The following TMEM247 variants were observed in gnomAD, a reference collection of about 807,000 sequenced individuals.
The protein encoded by TMEM247 is transmembrane protein ENSP00000343375.
Under a neutral mutation model 20.7 loss-of-function variants are expected in TMEM247, and 23 were observed. The observed-to-expected ratio is 1.11, with a 90% confidence interval of 0.80 to 1.57. The LOEUF is 1.57. Among genes scored for constraint, TMEM247 ranks in the 40% most tolerant of loss-of-function variants. The probability of loss-of-function intolerance (pLI) is 0.00; values close to 1 mark genes in which losing one functional copy is unlikely to be tolerated. For missense variants in TMEM247, 354 were observed against 283.8 expected, an observed-to-expected ratio of 1.25 and a Z score of -1.78; for synonymous variants, 106 against 111.9, an observed-to-expected ratio of 0.95 and a Z score of 0.33.
chr2:46,482,065 TC>T (rs1686900174), intron 2 of TMEM247, among the ~76,000 whole-genome samples: 1 of 152,236 alleles, frequency 6.6e-6, no homozygotes, highest in Admixed American at 6.5e-5. Flanking sequence ...CAGTTTTGTT[TC>T]TGTTTTTTTA....
chr2:46,480,776 G>T lies in TMEM247; in HGVS notation c.477+12G>T. On this transcript the variant is annotated intron_variant, in intron 2 of 2. Coordinates refer to ENST00000434431, the Ensembl canonical transcript of TMEM247. The stretch of plus-strand genomic sequence containing the variant: ...CGGCGCCCCGCCTGGTGGGTGACAA[G>T]GAACGGGGCACTGGGAGGAGGGAGG... 1 of 1,537,508 alleles carries T rather than the reference G, an allele frequency of 6.5e-7. No individual in the cohort carries two copies. Among genetic ancestry groups the T allele is most frequent in the South Asian group, 1.2e-5 (1 of 81,960 alleles).
intron 2 of TMEM247, among the ~76,000 whole-genome samples, chr2:46,483,254 T>C (rs1219189177): frequency 6.6e-6 from 1 of 152,182 alleles, no homozygotes; most frequent in African/African-American, 2.4e-5. Context: ...AAATGAAGAC[T>C]GTTGGGCCCC....
intron 1 of TMEM247, 30 bp downstream of exon 1, chr2:46,479,732 C>CG (rs1686842299): frequency 6.9e-7 from 1 of 1,454,844 alleles, no homozygotes; most frequent in Admixed American, 2.0e-5. Context: ...TCACCACCCC[C>CG]GCCTATTCCG....
At chr2:46,483,287 A>T (rs1401840641) in intron 2 of TMEM247, among the ~76,000 whole-genome samples, 1 of 152,238 alleles carries the variant, frequency 6.6e-6, no homozygotes, top group Admixed American at 6.5e-5. Context: ...TCAAGAAAAG[A>T]GCAACCCACA....
At chr2:46,480,573 C>G in exon 2 of TMEM247, 1 of 1,551,748 alleles carries the variant, frequency 6.4e-7, no homozygotes, top group Non-Finnish European at 8.7e-7. Context: ...GCCCCCGACC[C>G]CTGGGACTGA....
At chr2:46,480,863 C>CCCCA (rs773201768) in intron 2 of TMEM247, 99 bp downstream of exon 2, 3 of 1,398,250 alleles carry the variant, frequency 2.1e-6, no homozygotes, top group Non-Finnish European at 2.8e-6. Flanking sequence ...TTGCGCGGCA[C>CCCCA]CCCACCCTGC....
chr2:46,480,537 G>A (rs1159591420), exon 2 of TMEM247: 1 of 1,551,758 alleles, frequency 6.4e-7, no homozygotes, highest in Admixed American at 2.0e-5. Context: ...AGGCCAGGCT[G>A]GCGACGGACC....
Position 46,480,498 on chromosome 2 carries a change from C to G in TMEM247, c.211C>G (p.Leu71Val). The G allele has an allele frequency of 1.9e-6, 3 of 1,551,734 alleles. No individual in the cohort carries two copies. In the South Asian group the frequency reaches 3.6e-5, roughly 18 times the overall value. ...AGGCTGCCAAGGGCCGCTTAAATCG[C>G]TGTCCCCCAAGTCCTGCCGTGCTAC... The change falls in exon 2 of 3, where the codon CTG becomes GTG. Residue 71 changes from leucine to valine, a missense_variant. By Grantham distance (32) the Leu-to-Val change is conservative. Coordinates refer to ENST00000434431, the Ensembl canonical transcript of TMEM247.
rs941461614 is a variant in TMEM247, at chr2:46,480,624, T to C, written c.337T>C (p.Phe113Leu). ...GGAGCTGGAGAAGGTGCGCATGGAGTTCGAGCTCACGCGGCTCAAGTACCT... is the reference window on the plus strand; with the variant it reads ...GGAGCTGGAGAAGGTGCGCATGGAGCTCGAGCTCACGCGGCTCAAGTACCT... Residue 113 changes from phenylalanine (F) to leucine (L), a missense_variant, in exon 2 of 3, where the codon TTC becomes CTC. Transcript: ENST00000434431. The C allele has an allele frequency of 3.7e-5, 52 of 1,397,840 alleles. No homozygotes were observed. Among genetic ancestry groups the C allele is most frequent in the Non-Finnish European group, 4.2e-5 (45 of 1,060,252 alleles). 86.6% of individuals were successfully genotyped at this position (1,397,840 alleles called of 1,614,324 possible).
intron 1 of TMEM247, among the ~76,000 whole-genome samples, chr2:46,479,973 T>A (rs1002459724): frequency 6.6e-6 from 1 of 152,140 alleles, no homozygotes; most frequent in Non-Finnish European, 1.5e-5. Flanking sequence ...CTCCCCACCA[T>A]AGCCCTCTTC....
intron 2 of TMEM247, among the ~76,000 whole-genome samples, chr2:46,481,074 A>G (rs898764669): frequency 2.0e-5 from 3 of 152,046 alleles, no homozygotes; most frequent in Non-Finnish European, 4.4e-5. Flanking sequence ...GGTCCCCAGA[A>G]CCACATCGCC....
intron 2 of TMEM247, 67 bp from the exon 3 acceptor site, chr2:46,484,177 A>G: frequency 1.4e-6 from 2 of 1,403,654 alleles, no homozygotes; most frequent in South Asian, 1.4e-5. Context: ...TCAGAGCAGG[A>G]CTGAACCTAG....
exon 2 of TMEM247, chr2:46,480,510 T>C (rs1686859122): frequency 6.4e-7 from 1 of 1,551,668 alleles, no homozygotes; most frequent in African/African-American, 1.4e-5. Context: ...GTCCCCCAAG[T>C]CCTGCCGTGC....
chr2:46,482,831 C>G (rs1365528754), intron 2 of TMEM247, among the ~76,000 whole-genome samples: 1 of 152,224 alleles, frequency 6.6e-6, no homozygotes, highest in South Asian at 2.1e-4. Flanking sequence ...ATCATCAGGT[C>G]ATTTTCTGTC....
At chr2:46,481,772 A>G (rs1444674762) in intron 2 of TMEM247, among the ~76,000 whole-genome samples, 1 of 152,248 alleles carries the variant, frequency 6.6e-6, no homozygotes, top group Non-Finnish European at 1.5e-5. Flanking sequence ...GATATGATGT[A>G]TTAGCTGTGC....
chr2:46,480,555 G>C, exon 2 of TMEM247: 2 of 1,551,722 alleles, frequency 1.3e-6, no homozygotes, highest in Non-Finnish European at 1.7e-6. Flanking sequence ...ACCCAAACCC[G>C]CAGAGCTGCC....
chr2:46,479,762 T>C (rs1318888588), intron 1 of TMEM247, 60 bp downstream of exon 1: 2 of 1,223,338 alleles, frequency 1.6e-6, no homozygotes, highest in East Asian at 2.5e-5. Context: ...GCAAGAATAC[T>C]GTAGGAACAC....
chr2:46,480,828 G>T lies in TMEM247; in HGVS notation c.477+64G>T, dbSNP rs1686873885. 10 of 1,477,384 alleles carry T rather than the reference G, an allele frequency of 6.8e-6. No homozygotes were observed. The South Asian group carries it at 1.4e-4, about 20-fold the overall frequency. 91.5% of individuals were successfully genotyped at this position (1,477,384 alleles called of 1,614,324 possible). On this transcript the variant is annotated intron_variant, in intron 2 of 2. Coordinates refer to ENST00000434431, the Ensembl canonical transcript of TMEM247. ...CTGGAGCTGAAGTCCCATGGGGCCT[G>T]GAGCAGGCGCCCACCTTCCCTGCTT...
chr2:46,482,101 A>G (rs1218346274), intron 2 of TMEM247, among the ~76,000 whole-genome samples: 2 of 152,192 alleles, frequency 1.3e-5, no homozygotes, highest in Admixed American at 6.5e-5. Context: ...GTTTTGCATC[A>G]TTTGTTCTCA....
Sources: gnomAD v4.1 joint callset for allele counts (sites outside exome capture counted in the v4.1 genomes callset) on GRCh38, gnomAD v4.1.1 for gene constraint, MANE v1.5 for transcripts, NCBI Gene and HGNC (gene_info 2026-07-23, HGNC 2026-07-21) for gene names.